IDO2: variants seen among roughly 807,000 people sequenced by gnomAD.
IDO2 encodes indoleamine 2,3-dioxygenase-like 1 protein.
In IDO2, 46 loss-of-function variants were observed where a neutral mutation model predicts 45.1. The observed-to-expected ratio is 1.02, with a 90% CI of 0.80 to 1.30. The LOEUF is 1.30. IDO2 is among the 50% of genes most tolerant of loss of function. The probability of loss-of-function intolerance (pLI) is 0.00; values close to 1 mark genes in which losing one functional copy is unlikely to be tolerated. For missense variants in IDO2, 544 were observed against 491.8 expected (o/e 1.11, Z -1.00); for synonymous variants, 218 against 184.9 (o/e 1.18, Z -1.45).
intron 2 of IDO2, among the ~76,000 whole-genome samples, chr8:39,956,593 T>C (rs1445190548): frequency 1.3e-5 from 2 of 152,206 alleles, no homozygotes; most frequent in East Asian, 3.8e-4. Flanking sequence ...TAGCAAAATT[T>C]ATTCATAGCA....
intron 8 of IDO2, among the ~76,000 whole-genome samples, chr8:39,995,483 T>A (rs1483289661): frequency 1.3e-5 from 2 of 151,738 alleles, no homozygotes; most frequent in African/African-American, 4.8e-5. Context: ...GGTTTCACCA[T>A]GTTGGCCAGG....
At chr8:39,956,832 GTCAGGAGT>G (rs1036599951) in intron 2 of IDO2, among the ~76,000 whole-genome samples, 8 of 151,696 alleles carry the variant, frequency 5.3e-5, no homozygotes, top group African/African-American at 1.9e-4. Context: ...GGATCACGAT[GTCAGGAGT>G]TCAAGACCAG....
intron 8 of IDO2, among the ~76,000 whole-genome samples, chr8:39,990,459 A>G (rs1176932696): frequency 2.0e-5 from 3 of 152,232 alleles, no homozygotes; most frequent in Non-Finnish European, 2.9e-5. Context: ...GCCTGATAAC[A>G]AAATCTTTTC....
At chr8:39,995,221 C>CCTTCTCCTTCTCCTT (rs1802017867) in intron 8 of IDO2, 1 of 73,548 alleles carries the variant, frequency 1.4e-5, no homozygotes, top group African/African-American at 5.6e-5. Context: ...TTCTCCTTCT[C>CCTTCTCCTTCTCCTT]CTTCTCCTTC....
intron 3 of IDO2, among the ~76,000 whole-genome samples, chr8:39,965,360 G>A (rs2129593889): frequency 6.6e-6 from 1 of 152,226 alleles, no homozygotes; most frequent in Admixed American, 6.5e-5. Context: ...GGTGGCACAT[G>A]CCTGTAGTCC....
intron 2 of IDO2, among the ~76,000 whole-genome samples, chr8:39,960,237 C>T (rs190244562): frequency 1.1e-4 from 17 of 152,204 alleles, no homozygotes; most frequent in Middle Eastern, 3.4e-3. Flanking sequence ...ATTTCACACC[C>T]ACCCCTATCT....
At chr8:39,981,205 G>T (rs1271750088) in intron 4 of IDO2, among the ~76,000 whole-genome samples, 2 of 151,814 alleles carry the variant, frequency 1.3e-5, no homozygotes, top group African/African-American at 2.4e-5. Flanking sequence ...GGGACTACAG[G>T]CGCCCACCAC....
chr8:39,949,949 G>A (rs775245384), intron 2 of IDO2, among the ~76,000 whole-genome samples: 8 of 152,150 alleles, frequency 5.3e-5, no homozygotes, highest in Non-Finnish European at 1.0e-4. Context: ...GGCTCAAATT[G>A]TAATGCAAAT....
intron 8 of IDO2, among the ~76,000 whole-genome samples, chr8:39,999,494 G>A (rs1367710886): frequency 6.6e-6 from 1 of 152,030 alleles, no homozygotes; most frequent in African/African-American, 2.4e-5. Flanking sequence ...GGCCAGGCTG[G>A]TCTCAAACTC....
rs941438697 is a variant in IDO2 at position 40,001,872 on chromosome 8, T to TGAG, written c.668-3454_668-3453insAGG. ...GTTGATCTCAGCTCACTGCAACCTCTGCCTCCTGGGTTCAGCAATTCTCCT... is the reference window on the plus strand; with the variant it reads ...GTTGATCTCAGCTCACTGCAACCTCTGAGGCCTCCTGGGTTCAGCAATTCTCCT... On this transcript the variant is annotated intron_variant, in intron 8 of 10. Transcript: ENST00000502986. 2.0e-5 allele frequency among the ~76,000 whole-genome samples: 3 copies of TGAG among 151,874 alleles called. 1 individual carries two copies. The highest frequency in any genetic ancestry group is 7.2e-5 in the African/African-American group (3 of 41,382).
intron 8 of IDO2, among the ~76,000 whole-genome samples, chr8:39,991,296 T>C (rs1808492931): frequency 2.0e-5 from 3 of 152,088 alleles, no homozygotes; most frequent in Admixed American, 6.6e-5. Flanking sequence ...GCCAAACAGC[T>C]CCCTTAAGTT....
chr8:39,982,144 A>G (rs1018806239), intron 4 of IDO2, among the ~76,000 whole-genome samples: 6 of 151,688 alleles, frequency 4.0e-5, no homozygotes, highest in Admixed American at 6.6e-5. Context: ...TCTATCTATC[A>G]TCTGTCTACT....
chr8:39,969,288 T>C (rs530663635), intron 3 of IDO2, among the ~76,000 whole-genome samples: 1 of 152,332 alleles, frequency 6.6e-6, no homozygotes, highest in South Asian at 2.1e-4. Context: ...TAGTTAAAAC[T>C]TTTTCTTTAC....
In IDO2 at chr8:39,988,274, A is replaced by G. The variant is rs191907661; in HGVS notation, c.549+304A>G. Reference sequence around the variant, plus strand: ...CCTGACAGAAGCTTATGATGGATACAGTGGATGAAGATGGATTAACGTGGA... The same window carrying G: ...CCTGACAGAAGCTTATGATGGATACGGTGGATGAAGATGGATTAACGTGGA... On this transcript the variant is annotated intron_variant, in intron 7 of 10. Coordinates refer to ENST00000502986, the Ensembl canonical transcript of IDO2. Among the ~76,000 whole-genome samples, 39 of 152,318 alleles carry G rather than the reference A, an allele frequency of 2.6e-4. 1 individual carries two copies. Among genetic ancestry groups the G allele is most frequent in the Middle Eastern group, 3.4e-3 (1 of 294 alleles).
intron 9 of IDO2, among the ~76,000 whole-genome samples, chr8:40,009,951 T>C (rs574236248): frequency 6.6e-6 from 1 of 152,300 alleles, no homozygotes; most frequent in African/African-American, 2.4e-5. Flanking sequence ...AGTGAGTGCC[T>C]ACCCCATGTC....
At chr8:40,006,391 A>G (rs907470693) in intron 9 of IDO2, among the ~76,000 whole-genome samples, 5 of 152,228 alleles carry the variant, frequency 3.3e-5, no homozygotes, top group African/African-American at 1.2e-4. Flanking sequence ...AGGCTAAGCT[A>G]AGGTGTTTGG....
At chr8:39,988,268 G>A (rs1254109585) in intron 7 of IDO2, among the ~76,000 whole-genome samples, 1 of 152,158 alleles carries the variant, frequency 6.6e-6, no homozygotes, top group Non-Finnish European at 1.5e-5. Context: ...AGCTTATGAT[G>A]GATACAGTGG....
At chr8:39,967,783 G>A (rs1419043543) in intron 3 of IDO2, among the ~76,000 whole-genome samples, 3 of 152,168 alleles carry the variant, frequency 2.0e-5, no homozygotes, top group Non-Finnish European at 4.4e-5. Context: ...CCACCGTGCT[G>A]GCCTAAAAGA....
chr8:40,004,574 A>T (rs72630581), intron 8 of IDO2, among the ~76,000 whole-genome samples: 6,776 of 151,236 alleles, frequency 0.045, 310 homozygotes, highest in African/African-American at 0.11. Flanking sequence ...TAGACGATAG[A>T]TAGATAGATA....
Sources: gnomAD v4.1 joint callset for allele counts (sites outside exome capture counted in the v4.1 genomes callset) on GRCh38, gnomAD v4.1.1 for gene constraint, MANE v1.5 for transcripts, NCBI Gene and HGNC (gene_info 2026-07-23, HGNC 2026-07-21) for gene names.